TMTC4: variants seen among roughly 807,000 people sequenced by gnomAD.
TMTC4 encodes transmembrane O-mannosyltransferase targeting cadherins 4, also known as protein O-mannosyl-transferase TMTC4.
TMTC4 carries 65 observed loss-of-function variants against 86.0 expected under a neutral mutation model. That is an observed-to-expected ratio of 0.76 (90% CI 0.62 to 0.93). The LOEUF is 0.93. Among genes scored for constraint, TMTC4 ranks in the 40% least tolerant of loss-of-function variants. TMTC4 has a pLI of 0.00. For missense variants in TMTC4, 866 were observed against 948.1 expected (o/e 0.91, Z 1.14); for synonymous variants, 379 against 382.5 (o/e 0.99, Z 0.11).
chr13:100,646,583 T>G (rs1883772034), intron 6 of TMTC4, among the ~76,000 whole-genome samples: 1 of 152,202 alleles, frequency 6.6e-6, no homozygotes, highest in South Asian at 2.1e-4. Context: ...TTCTAAATGC[T>G]GAGCCCAAGC....
intron 15 of TMTC4, among the ~76,000 whole-genome samples, chr13:100,617,123 T>C (rs895525024): frequency 1.4e-5 from 2 of 139,458 alleles, no homozygotes; most frequent in African/African-American, 2.6e-5. Context: ...GGTTTTCTTC[T>C]AGGATTTTTT....
intron 16 of TMTC4, among the ~76,000 whole-genome samples, chr13:100,613,366 G>A (rs1203985062): frequency 6.6e-6 from 1 of 152,204 alleles, no homozygotes; most frequent in Non-Finnish European, 1.5e-5. Context: ...TTTCTTAAAA[G>A]ACGTTTGGAT....
intron 7 of TMTC4, among the ~76,000 whole-genome samples, chr13:100,639,175 G>A (rs547206801): frequency 6.6e-6 from 1 of 152,162 alleles, no homozygotes; most frequent in Non-Finnish European, 1.5e-5. Context: ...TGCGGCAAAG[G>A]AGATCACACA....
At chr13:100,649,231 G>A (rs532964593) in intron 6 of TMTC4, among the ~76,000 whole-genome samples, 1 of 152,230 alleles carries the variant, frequency 6.6e-6, no homozygotes, top group South Asian at 2.1e-4. Flanking sequence ...AAATTCAAGT[G>A]AAAAACTAGC....
intron 6 of TMTC4, among the ~76,000 whole-genome samples, chr13:100,655,436 C>T (rs1315107235): frequency 4.6e-5 from 7 of 152,198 alleles, no homozygotes; most frequent in Admixed American, 3.9e-4. Context: ...GAACCATTAT[C>T]TGTAGTGAAC....
At chr13:100,653,575 A>T (rs1884711049) in intron 6 of TMTC4, among the ~76,000 whole-genome samples, 1 of 152,198 alleles carries the variant, frequency 6.6e-6, no homozygotes, top group Admixed American at 6.5e-5. Flanking sequence ...AGCTGGTCAC[A>T]GTGTGTCTAA....
intron 6 of TMTC4, among the ~76,000 whole-genome samples, chr13:100,655,996 C>T (rs1384905901): frequency 6.6e-6 from 1 of 152,166 alleles, no homozygotes; most frequent in African/African-American, 2.4e-5. Flanking sequence ...TTCCAAGCCA[C>T]CTTTGGAAGC....
chr13:100,674,482 G>T, intron 1 of TMTC4: 1 of 930,376 alleles, frequency 1.1e-6, no homozygotes, highest in Non-Finnish European at 1.3e-6. Flanking sequence ...TCAGGGGCCC[G>T]AGCGCGGCGG....
chr13:100,634,286 G>A (rs1881876629), intron 12 of TMTC4, among the ~76,000 whole-genome samples: 1 of 152,074 alleles, frequency 6.6e-6, no homozygotes, highest in African/African-American at 2.4e-5. Context: ...TCACTAGCAG[G>A]GCACCCAAAG....
At chr13:100,666,186 A>G in intron 3 of TMTC4, 1 of 384,402 alleles carries the variant, frequency 2.6e-6, no homozygotes. Flanking sequence ...CCCTAACTCC[A>G]CTGTCTCAAA....
intron 6 of TMTC4, among the ~76,000 whole-genome samples, chr13:100,655,182 TG>T (rs1287057678): frequency 5.3e-5 from 8 of 151,826 alleles, no homozygotes; most frequent in African/African-American, 1.9e-4. Flanking sequence ...CCACCACACC[TG>T]GCTAATTTTT....
intron 2 of TMTC4, among the ~76,000 whole-genome samples, chr13:100,669,125 A>C (rs1422316939): frequency 6.6e-6 from 1 of 152,204 alleles, no homozygotes; most frequent in Non-Finnish European, 1.5e-5. Context: ...CAGTTTACAA[A>C]GCTTAAAAAA....
intron 15 of TMTC4, 65 bp from the exon 16 acceptor site, chr13:100,614,495 AT>A: frequency 2.0e-6 from 2 of 1,006,170 alleles, no homozygotes; most frequent in Admixed American, 2.8e-5. Flanking sequence ...CCAAGACATT[AT>A]TAAAAAAAAA....
At chr13:100,621,546 C>T (rs1879475929) in intron 15 of TMTC4, among the ~76,000 whole-genome samples, 1 of 152,178 alleles carries the variant, frequency 6.6e-6, no homozygotes, top group Admixed American at 6.5e-5. Flanking sequence ...CTGCCTCAGC[C>T]TCCTGAGTAG....
intron 3 of TMTC4, among the ~76,000 whole-genome samples, chr13:100,665,478 G>A (rs920345069): frequency 1.4e-4 from 21 of 152,318 alleles, no homozygotes; most frequent in African/African-American, 4.8e-4. Context: ...GGAAAGCCAG[G>A]GCAGGGCCAC....
At chr13:100,638,253 TCA>T in intron 7 of TMTC4, 1 of 452,560 alleles carries the variant, frequency 2.2e-6, no homozygotes, top group Middle Eastern at 5.9e-4. Context: ...AGTAATGATT[TCA>T]CAGTCTGCGT....
chr13:100,634,825 C>T lies in TMTC4; in HGVS notation c.1486G>A (p.Val496Met), dbSNP rs760947243. The T allele has an allele frequency of 5.6e-6, 9 of 1,614,098 alleles. No homozygotes were observed. In the South Asian group the frequency reaches 9.9e-5, roughly 18 times the overall value. The part of the protein sequence containing the change: ...EEQLFRSALS[V>M]CPLNAKVHYN... ...GGTACCTTAGCATTGAGGGGACACACAGACAGAGCACTTCTGAAAAGCTGT... is the reference window on the plus strand; with the variant it reads ...GGTACCTTAGCATTGAGGGGACACATAGACAGAGCACTTCTGAAAAGCTGT... The change falls in exon 12 of 19, where the codon GTG becomes ATG. Residue 496 changes from valine (V) to methionine (M), a missense_variant. Transcript: ENST00000342624.
chr13:100,674,830 G>A (rs1041308765), upstream of TMTC4: 362 of 978,030 alleles, frequency 3.7e-4, no homozygotes, highest in Non-Finnish European at 3.9e-4. Context: ...CCTGGCAGGG[G>A]GAGGGGCCGC....
Position 100,636,594 on chromosome 13 carries a change from G to A in TMTC4, c.1140C>T (p.Leu380=), listed in dbSNP as rs779826725. ...SDWRVIALAA[L]WFCLIGLICQ... Reference sequence around the variant, plus strand: ...ATATCAGGCCAATTAGGCAGAACCAGAGTGCTGCAAGTGCAATTACCCTCC... The same window carrying A: ...ATATCAGGCCAATTAGGCAGAACCAAAGTGCTGCAAGTGCAATTACCCTCC... Residue 380 remains leucine, a synonymous_variant, in exon 10 of 19, where the codon CTC becomes CTT. Transcript: ENST00000342624. 3.7e-6 allele frequency: 6 copies of A among 1,614,208 alleles called. No individual in the cohort carries two copies. In the South Asian group the frequency reaches 6.6e-5, roughly 18 times the overall value.
Sources: gnomAD v4.1 joint callset for allele counts (sites outside exome capture counted in the v4.1 genomes callset) on GRCh38, gnomAD v4.1.1 for gene constraint, MANE v1.5 for transcripts, NCBI Gene and HGNC (gene_info 2026-07-23, HGNC 2026-07-21) for gene names.